The following UBE3C variants were observed in gnomAD, a reference collection of about 807,000 sequenced individuals.
UBE3C encodes the protein ubiquitin-protein ligase E3C.
Under a neutral mutation model 129.4 loss-of-function variants are expected in UBE3C, and 42 were observed. The ratio of observed to expected loss-of-function variants is 0.32; its 90% confidence interval spans 0.25 to 0.42. UBE3C has a LOEUF of 0.42. Ranked by LOEUF, UBE3C falls within the 10% of genes least tolerant of loss-of-function variation. UBE3C has a pLI of 1.00. For missense variants in UBE3C, 1,049 were observed against 1,319.1 expected (o/e 0.80, Z 3.17); for synonymous variants, 510 against 492.4 (o/e 1.04, Z -0.47).
At chr7:157,151,667 G>T (rs1807760388) in intron 1 of UBE3C, among the ~76,000 whole-genome samples, 1 of 152,172 alleles carries the variant, frequency 6.6e-6, no homozygotes, top group African/African-American at 2.4e-5. Flanking sequence ...ACCATAAGGA[G>T]TAATTTTTTG....
intron 22 of UBE3C, among the ~76,000 whole-genome samples, chr7:157,257,279 T>C (rs1353247615): frequency 1.3e-5 from 2 of 152,254 alleles, no homozygotes; most frequent in Non-Finnish European, 2.9e-5. Context: ...ATTGTGGTTA[T>C]GATTGCCTGT....
intron 10 of UBE3C, among the ~76,000 whole-genome samples, chr7:157,199,767 A>G (rs2366214): frequency 0.48 from 72,245 of 152,018 alleles, 19,760 homozygotes; most frequent in African/African-American, 0.76. Flanking sequence ...CACCAGGTCC[A>G]GCCATATTTC....
At chr7:157,222,833 C>G (rs1795775120) in intron 15 of UBE3C, 1 of 189,292 alleles carries the variant, frequency 5.3e-6, no homozygotes, top group Non-Finnish European at 1.1e-5. Flanking sequence ...CAGGCACCAT[C>G]TCATGCACAC....
At chr7:157,247,578 G>T (rs112340031) in intron 18 of UBE3C, among the ~76,000 whole-genome samples, 3 of 152,110 alleles carry the variant, frequency 2.0e-5, no homozygotes, top group Admixed American at 1.3e-4. Flanking sequence ...TGTAATCCCA[G>T]CTACTGGGGA....
intron 10 of UBE3C, among the ~76,000 whole-genome samples, chr7:157,200,536 C>A (rs1203978505): frequency 6.6e-6 from 1 of 152,182 alleles, no homozygotes. Context: ...CTGTCACAAA[C>A]ATGCAGTATA....
intron 1 of UBE3C, among the ~76,000 whole-genome samples, chr7:157,145,799 T>G (rs1586640440): frequency 6.6e-6 from 1 of 152,324 alleles, no homozygotes; most frequent in South Asian, 2.1e-4. Flanking sequence ...ACAGAATAAT[T>G]GATGGGAAAC....
chr7:157,264,072 G>A (rs1796997901), intron 22 of UBE3C, among the ~76,000 whole-genome samples: 1 of 151,806 alleles, frequency 6.6e-6, no homozygotes, highest in Non-Finnish European at 1.5e-5. Context: ...TGCTCGGCCT[G>A]TTACACACAC....
chr7:157,147,672 G>T (rs1271058483), intron 1 of UBE3C, among the ~76,000 whole-genome samples: 2 of 152,078 alleles, frequency 1.3e-5, no homozygotes, highest in African/African-American at 4.8e-5. Context: ...TATGATGTTT[G>T]GTGGGTTTTT....
intron 4 of UBE3C, among the ~76,000 whole-genome samples, chr7:157,172,181 G>A (rs1359707293): frequency 6.6e-6 from 1 of 151,528 alleles, no homozygotes; most frequent in Non-Finnish European, 1.5e-5. Context: ...ACAAGCTTAT[G>A]CCACCACCCC....
rs1270031447 is a variant in UBE3C at position 157,248,458 on chromosome 7, C to T, written c.2572C>T (p.His858Tyr). Reference sequence around the variant, plus strand: ...AACCAGTGCCGACGTGGACATTCACCACCTCGCCTCCCTAGACCCTGAGGT... The same window carrying T: ...AACCAGTGCCGACGTGGACATTCACTACCTCGCCTCCCTAGACCCTGAGGT... Reference protein sequence around the residue: ...LGTSADVDIHHLASLDPEVYK... With the variant: ...LGTSADVDIHYLASLDPEVYK... Residue 858 changes from histidine (H) to tyrosine (Y), a missense_variant, in exon 19 of 23, where the codon CAC becomes TAC. Physicochemically the swap from His to Tyr is moderately conservative, Grantham distance 83. Transcript: ENST00000348165. The T allele has an allele frequency of 6.2e-7, 1 of 1,613,456 alleles. No homozygotes were observed. The highest frequency in any genetic ancestry group is 2.2e-5 in the East Asian group (1 of 44,886).
intron 13 of UBE3C, among the ~76,000 whole-genome samples, chr7:157,211,361 G>T (rs532986905): frequency 1.3e-5 from 2 of 152,096 alleles, no homozygotes; most frequent in Non-Finnish European, 2.9e-5. Context: ...AGCTTGTAGC[G>T]CTGTGCCTTA....
At chr7:157,199,982 G>T (rs917883994) in intron 10 of UBE3C, among the ~76,000 whole-genome samples, 2 of 152,004 alleles carry the variant, frequency 1.3e-5, no homozygotes, top group African/African-American at 4.8e-5. Context: ...GCTCTTACTG[G>T]AATGAATGCA....
intron 11 of UBE3C, among the ~76,000 whole-genome samples, chr7:157,204,075 G>A (rs1294220057): frequency 2.0e-5 from 3 of 152,224 alleles, no homozygotes; most frequent in Admixed American, 1.3e-4. Flanking sequence ...ATGGATACTC[G>A]AAGTATGGTT....
chr7:157,171,061 C>A (rs1007629307), intron 4 of UBE3C, among the ~76,000 whole-genome samples: 9 of 151,964 alleles, frequency 5.9e-5, no homozygotes, highest in African/African-American at 1.7e-4. Flanking sequence ...ATTTTTCCCT[C>A]CCTGGCCTCT....
intron 1 of UBE3C, among the ~76,000 whole-genome samples, chr7:157,142,527 G>T (rs1035959731): frequency 2.0e-5 from 3 of 152,180 alleles, no homozygotes; most frequent in African/African-American, 7.2e-5. Flanking sequence ...AAGGATGGGT[G>T]TAATTAGGAT....
At chr7:157,222,767 A>T (rs1386574480) in intron 15 of UBE3C, 7 of 153,514 alleles carry the variant, frequency 4.6e-5, no homozygotes, top group East Asian at 1.9e-4. Context: ...AAGGAATGGG[A>T]TATGTGTTTA....
chr7:157,165,294 CAT>C (rs1030842964), intron 2 of UBE3C, among the ~76,000 whole-genome samples: 8 of 151,896 alleles, frequency 5.3e-5, no homozygotes, highest in African/African-American at 1.9e-4. Flanking sequence ...ATATTTCCCT[CAT>C]GTGCTTTTCT....
chr7:157,211,362 C>T (rs958535219), intron 13 of UBE3C, among the ~76,000 whole-genome samples: 1 of 152,230 alleles, frequency 6.6e-6, no homozygotes, highest in African/African-American at 2.4e-5. Context: ...GCTTGTAGCG[C>T]TGTGCCTTAT....
chr7:157,187,563 G>A (rs775044276), intron 10 of UBE3C, among the ~76,000 whole-genome samples: 2 of 149,768 alleles, frequency 1.3e-5, no homozygotes, highest in Admixed American at 6.6e-5. Context: ...TTGTTTTTGT[G>A]TGTGTGTGTG....
Sources: gnomAD v4.1 joint callset for allele counts (sites outside exome capture counted in the v4.1 genomes callset) on GRCh38, gnomAD v4.1.1 for gene constraint, MANE v1.5 for transcripts, NCBI Gene and HGNC (gene_info 2026-07-23, HGNC 2026-07-21) for gene names.